GALNTL6: variants seen among roughly 807,000 people sequenced by gnomAD.
GALNTL6 encodes the protein polypeptide N-acetylgalactosaminyltransferase-like 6.
In GALNTL6, 46 loss-of-function variants were observed where a neutral mutation model predicts 73.7. The ratio of observed to expected loss-of-function variants is 0.62; its 90% confidence interval spans 0.49 to 0.80. GALNTL6 has a LOEUF of 0.80. GALNTL6 is among the 30% of genes least tolerant of loss of function. The pLI, the probability that GALNTL6 is intolerant of heterozygous loss-of-function variation, is 0.00. For missense variants in GALNTL6, 604 were observed against 755.0 expected (o/e 0.80, Z 2.34); for synonymous variants, 259 against 263.7 (o/e 0.98, Z 0.17).
chr4:172,725,915 T>C (rs1200636864), intron 5 of GALNTL6, among the ~76,000 whole-genome samples: 1 of 152,192 alleles, frequency 6.6e-6, no homozygotes, highest in Non-Finnish European at 1.5e-5. Context: ...CATAAGGTTG[T>C]TGTGAGGATT....
At chr4:172,996,551 C>T (rs139299852) in intron 10 of GALNTL6, among the ~76,000 whole-genome samples, 134 of 152,266 alleles carry the variant, frequency 8.8e-4, no homozygotes, top group Admixed American at 2.7e-3. Flanking sequence ...AAAGTTAAAA[C>T]TTTTTTTAAC....
intron 3 of GALNTL6, among the ~76,000 whole-genome samples, chr4:172,300,667 A>T (rs1739877975): frequency 6.6e-6 from 1 of 152,096 alleles, no homozygotes; most frequent in Non-Finnish European, 1.5e-5. Context: ...TGGGTTGAAA[A>T]TTCTTTCTTT....
chr4:172,678,085 C>A (rs1220251076), intron 5 of GALNTL6, among the ~76,000 whole-genome samples: 1 of 152,174 alleles, frequency 6.6e-6, no homozygotes, highest in African/African-American at 2.4e-5. Context: ...CAAGCCCCCA[C>A]ATAGACATTT....
chr4:172,179,456 T>C (rs560496046), intron 2 of GALNTL6, among the ~76,000 whole-genome samples: 1 of 135,064 alleles, frequency 7.4e-6, no homozygotes, highest in Non-Finnish European at 1.5e-5. Flanking sequence ...AATGTCTTCT[T>C]TTGAGAAGTG....
At chr4:172,357,519 A>T (rs1040270331) in intron 5 of GALNTL6, among the ~76,000 whole-genome samples, 5 of 152,030 alleles carry the variant, frequency 3.3e-5, no homozygotes, top group Non-Finnish European at 5.9e-5. Context: ...CCAGCATTGG[A>T]TTAGAGACTA....
chr4:172,428,103 T>C (rs1275932653), intron 5 of GALNTL6, among the ~76,000 whole-genome samples: 1 of 152,132 alleles, frequency 6.6e-6, no homozygotes, highest in Admixed American at 6.5e-5. Context: ...CATACATCAT[T>C]TATGATGTGA....
chr4:172,117,781 C>A lies in GALNTL6; in HGVS notation c.139-111875C>A, dbSNP rs1033351769. On this transcript the variant is annotated intron_variant, in intron 2 of 12. Transcript: ENST00000506823. Reference sequence around the variant, plus strand: ...TGAATCTCAACAACATTGTTGAGACCAAAAGAAATTAGAATAAAAAGAGAC... The same window carrying A: ...TGAATCTCAACAACATTGTTGAGACAAAAAGAAATTAGAATAAAAAGAGAC... 6.6e-5 allele frequency among the ~76,000 whole-genome samples: 10 copies of A among 151,622 alleles called. No individual in the cohort carries two copies. In the East Asian group the frequency reaches 1.9e-3, roughly 29 times the overall value.
intron 2 of GALNTL6, among the ~76,000 whole-genome samples, chr4:171,851,647 G>GA (rs1162219072): frequency 3.9e-5 from 6 of 152,012 alleles, no homozygotes; most frequent in African/African-American, 1.2e-4. Context: ...AATTAACACA[G>GA]AAAAAAATGT....
intron 3 of GALNTL6, among the ~76,000 whole-genome samples, chr4:172,304,250 T>C (rs1740044085): frequency 6.6e-6 from 1 of 152,220 alleles, no homozygotes; most frequent in African/African-American, 2.4e-5. Context: ...CATTTTCATA[T>C]GGCACTCATA....
At chr4:172,253,913 C>T (rs1228468551) in intron 3 of GALNTL6, among the ~76,000 whole-genome samples, 2 of 151,540 alleles carry the variant, frequency 1.3e-5, no homozygotes, top group Admixed American at 1.3e-4. Flanking sequence ...GGTGAAGAGC[C>T]CTTTAATTAT....
rs1578957567 is a variant in GALNTL6, at chr4:172,326,212, T to G, written c.386+14460T>G. Among the ~76,000 whole-genome samples, 3 of 151,778 alleles carry G rather than the reference T, an allele frequency of 2.0e-5. No homozygotes were observed. The East Asian group carries it at 5.8e-4, about 29-fold the overall frequency. Reference sequence around the variant, plus strand: ...ATATAGCAATTTTAAGTTTTATAATTCTATGTTTATAAAAAGAGAAAAAAC... The same window carrying G: ...ATATAGCAATTTTAAGTTTTATAATGCTATGTTTATAAAAAGAGAAAAAAC... On this transcript the variant is annotated intron_variant, in intron 4 of 12. Transcript: ENST00000506823.
chr4:172,849,771 A>G (rs1349831320), intron 7 of GALNTL6, among the ~76,000 whole-genome samples: 1 of 152,160 alleles, frequency 6.6e-6, no homozygotes, highest in African/African-American at 2.4e-5. Flanking sequence ...TCTATCACAG[A>G]GAGTTTGTCA....
At chr4:172,469,821 A>G (rs187716770) in intron 5 of GALNTL6, among the ~76,000 whole-genome samples, 1 of 152,336 alleles carries the variant, frequency 6.6e-6, no homozygotes, top group East Asian at 1.9e-4. Context: ...AGGAAAACTA[A>G]TTTGATCCTG....
chr4:172,795,954 A>G (rs1009632878), intron 5 of GALNTL6, among the ~76,000 whole-genome samples: 3 of 151,382 alleles, frequency 2.0e-5, no homozygotes, highest in Admixed American at 6.6e-5. Context: ...TATATTTTAT[A>G]TAAAATATAT....
At chr4:172,281,182 A>C (rs1739038848) in intron 3 of GALNTL6, among the ~76,000 whole-genome samples, 1 of 152,070 alleles carries the variant, frequency 6.6e-6, no homozygotes, top group Admixed American at 6.6e-5. Flanking sequence ...AAAAAAACAA[A>C]AAAGCAATGC....
intron 3 of GALNTL6, among the ~76,000 whole-genome samples, chr4:172,272,564 A>G (rs1381676296): frequency 1.3e-5 from 2 of 152,184 alleles, no homozygotes; most frequent in Non-Finnish European, 2.9e-5. Context: ...AGACGACACT[A>G]TAATCTGATG....
At chr4:172,709,299 G>A (rs1193568620) in intron 5 of GALNTL6, among the ~76,000 whole-genome samples, 1 of 152,192 alleles carries the variant, frequency 6.6e-6, no homozygotes, top group African/African-American at 2.4e-5. Context: ...CAGTGCTGAA[G>A]AGAGAAAGTT....
At chr4:171,986,403 CT>C (rs1740087376) in intron 2 of GALNTL6, among the ~76,000 whole-genome samples, 1 of 152,120 alleles carries the variant, frequency 6.6e-6, no homozygotes, top group South Asian at 2.1e-4. Flanking sequence ...AACCCGCCAT[CT>C]GGATGTGTAC....
At chr4:172,872,455 C>T (rs1233910726) in intron 7 of GALNTL6, among the ~76,000 whole-genome samples, 1 of 152,086 alleles carries the variant, frequency 6.6e-6, no homozygotes, top group Non-Finnish European at 1.5e-5. Context: ...ATTGTGATTT[C>T]TAAATCAGCA....
Sources: gnomAD v4.1 joint callset for allele counts (sites outside exome capture counted in the v4.1 genomes callset) on GRCh38, gnomAD v4.1.1 for gene constraint, MANE v1.5 for transcripts, NCBI Gene and HGNC (gene_info 2026-07-23, HGNC 2026-07-21) for gene names.